Variants in STAM observed in about 807,000 individuals in gnomAD.
The protein encoded by STAM is signal transducing adaptor molecule, also known as signal transducing adapter molecule 1.
In STAM, 16 loss-of-function variants were observed where a neutral mutation model predicts 63.4. The ratio of observed to expected loss-of-function variants is 0.25; its 90% confidence interval spans 0.17 to 0.38. The LOEUF is 0.38. Ranked by LOEUF, STAM falls within the 10% of genes least tolerant of loss-of-function variation. The probability of loss-of-function intolerance (pLI) is 1.00; values close to 1 mark genes in which losing one functional copy is unlikely to be tolerated. For missense variants in STAM, 636 were observed against 657.1 expected, an observed-to-expected ratio of 0.97 and a Z score of 0.35; for synonymous variants, 238 against 223.9, an observed-to-expected ratio of 1.06 and a Z score of -0.56.
intron 6 of STAM, among the ~76,000 whole-genome samples, chr10:17,693,598 C>T (rs1344871234): frequency 2.6e-5 from 4 of 152,136 alleles, no homozygotes; most frequent in African/African-American, 9.7e-5. Flanking sequence ...CGGGAAATGC[C>T]ATTTGCCACT....
chr10:17,669,748 A>G (rs1459314930), intron 2 of STAM, among the ~76,000 whole-genome samples: 1 of 146,566 alleles, frequency 6.8e-6, no homozygotes, highest in Admixed American at 6.9e-5. Context: ...CCCAGGCTGT[A>G]GTGCAGTGGC....
At chr10:17,705,111 A>T in intron 11 of STAM, 87 bp downstream of exon 11, 1 of 1,083,582 alleles carries the variant, frequency 9.2e-7, no homozygotes. Context: ...CTGCCTTTTA[A>T]AAAAAAAATA....
chr10:17,690,743 A>G (rs1230646982), intron 5 of STAM, among the ~76,000 whole-genome samples: 1 of 152,204 alleles, frequency 6.6e-6, no homozygotes, highest in Non-Finnish European at 1.5e-5. Flanking sequence ...AAAATAATGT[A>G]AAAATATTAA....
chr10:17,691,538 C>A (rs1411493436), intron 5 of STAM, among the ~76,000 whole-genome samples: 3 of 151,696 alleles, frequency 2.0e-5, no homozygotes, highest in African/African-American at 7.3e-5. Flanking sequence ...AAATAAATGC[C>A]TGTGCATTTG....
At chr10:17,688,230 A>G (rs1835376249) in intron 5 of STAM, 57 bp downstream of exon 5, 2 of 1,345,204 alleles carry the variant, frequency 1.5e-6, no homozygotes, top group Admixed American at 2.9e-5. Context: ...AAATAGCTAT[A>G]TTTATTTGAA....
intron 4 of STAM, 43 bp from the exon 5 acceptor site, chr10:17,687,984 G>T: frequency 6.7e-7 from 1 of 1,491,098 alleles, no homozygotes; most frequent in Non-Finnish European, 9.0e-7. Context: ...TAAATCATTG[G>T]CTAGGAAATT....
At chr10:17,710,267 T>G (rs1040961500) in intron 13 of STAM, among the ~76,000 whole-genome samples, 2 of 152,178 alleles carry the variant, frequency 1.3e-5, no homozygotes, top group Admixed American at 1.3e-4. Flanking sequence ...GAAATTATCC[T>G]TGTGAATGAG....
At chr10:17,664,294 C>T (rs1554823185) in intron 2 of STAM, among the ~76,000 whole-genome samples, 1 of 151,904 alleles carries the variant, frequency 6.6e-6, no homozygotes, top group African/African-American at 2.4e-5. Flanking sequence ...ATTATATATA[C>T]AATAAAATTA....
In STAM at chr10:17,696,982, C is replaced by T. The variant is rs145702558; in HGVS notation, c.823+113C>T. 2.5e-3 allele frequency: 1,927 copies of T among 757,654 alleles called. 58 individuals are homozygous for T. In the Admixed American group the frequency reaches 0.041, roughly 16 times the overall value. 46.9% of individuals were successfully genotyped at this position (757,654 alleles called of 1,614,324 possible). A position where few individuals can be genotyped will look rare whatever the true frequency, so the allele number is the denominator to read the frequency against. On this transcript the variant is annotated intron_variant, in intron 8 of 13. Coordinates refer to ENST00000377524, the MANE Select transcript of STAM (RefSeq NM_003473.4). Reference sequence around the variant, plus strand: ...TTGCCCAGGCTGGAGTGCAGTGGTGCGAGCTCGGATCATTGCAACCTCCGC... The same window carrying T: ...TTGCCCAGGCTGGAGTGCAGTGGTGTGAGCTCGGATCATTGCAACCTCCGC...
At position 17,715,040 on chromosome 10, in the gene STAM, A is replaced by G. The variant is rs138633924; in HGVS notation, c.*260A>G. 3 of 457,098 alleles carry G rather than the reference A, an allele frequency of 6.6e-6. No individual in the cohort carries two copies. The highest frequency in any genetic ancestry group is 2.4e-5 in the South Asian group (1 of 42,476). The allele number at this position is 457,098 out of a possible 1,614,324, so 28.3% of individuals were successfully genotyped here. A position where few individuals can be genotyped will look rare whatever the true frequency, so the allele number is the denominator to read the frequency against. On this transcript the variant is annotated 3_prime_UTR_variant, in exon 14 of 14. Coordinates refer to ENST00000377524, the MANE Select transcript of STAM (RefSeq NM_003473.4). Reference sequence around the variant, plus strand: ...AATATGAAAGAATTGATACAAGGCTATTTGTCTCGTAAACCTGGTCTGCAG... The same window carrying G: ...AATATGAAAGAATTGATACAAGGCTGTTTGTCTCGTAAACCTGGTCTGCAG...
intron 1 of STAM, among the ~76,000 whole-genome samples, chr10:17,654,557 G>A (rs1422098531): frequency 6.6e-6 from 1 of 152,108 alleles, no homozygotes; most frequent in African/African-American, 2.4e-5. Context: ...GTGTTACTAT[G>A]ACTTTTTGTG....
At chr10:17,671,164 C>G (rs1235296174) in intron 2 of STAM, among the ~76,000 whole-genome samples, 1 of 152,130 alleles carries the variant, frequency 6.6e-6, no homozygotes, top group Non-Finnish European at 1.5e-5. Context: ...ATACTAAGAC[C>G]TATAAAAGCT....
chr10:17,644,523 GGGA>G, intron 1 of STAM, 144 bp downstream of exon 1: 1 of 994,888 alleles, frequency 1.0e-6, no homozygotes, highest in Non-Finnish European at 1.5e-6. Context: ...CTTCAGAGCT[GGGA>G]GGAGGTTGAG....
intron 12 of STAM, among the ~76,000 whole-genome samples, chr10:17,707,607 A>G (rs1043159972): frequency 6.6e-6 from 1 of 152,024 alleles, no homozygotes; most frequent in Non-Finnish European, 1.5e-5. Flanking sequence ...CACCAGTTTG[A>G]GACAAGGAAG....
chr10:17,700,330 A>G (rs781936659), intron 9 of STAM, 51 bp downstream of exon 9: 2 of 1,414,596 alleles, frequency 1.4e-6, no homozygotes, highest in East Asian at 2.4e-5. Flanking sequence ...TGAAATTTAA[A>G]TGGTTTTGCT....
At chr10:17,700,551 C>G (rs1235916603) in intron 9 of STAM, among the ~76,000 whole-genome samples, 3 of 151,212 alleles carry the variant, frequency 2.0e-5, no homozygotes, top group African/African-American at 7.3e-5. Context: ...TGTTGAATGC[C>G]TAGGTTGTTT....
chr10:17,687,984 G>A, intron 4 of STAM, 43 bp from the exon 5 acceptor site: 1 of 1,491,100 alleles, frequency 6.7e-7, no homozygotes, highest in Non-Finnish European at 9.0e-7. Context: ...TAAATCATTG[G>A]CTAGGAAATT....
rs188117604 is a variant in STAM at position 17,681,496 on chromosome 10, A to G, written c.126-3179A>G. Among the ~76,000 whole-genome samples the G allele has an allele frequency of 7.2e-5, 11 of 152,130 alleles. No homozygotes were observed. The East Asian group carries it at 1.5e-3, about 21-fold the overall frequency. ...GTAGAGACTTGTTTTATGGCTTAAC[A>G]TTGTTTATCATGTGTAATATCCATA... On this transcript the variant is annotated intron_variant, in intron 2 of 13. Coordinates refer to ENST00000377524, the MANE Select transcript of STAM (RefSeq NM_003473.4).
intron 1 of STAM, among the ~76,000 whole-genome samples, chr10:17,648,046 G>A (rs1833586122): frequency 6.6e-6 from 1 of 152,144 alleles, no homozygotes; most frequent in Admixed American, 6.5e-5. Context: ...CTGTCACTGA[G>A]CTCCAATGTC....
Sources: allele counts gnomAD v4.1 joint callset (sites outside exome capture counted in the v4.1 genomes callset), GRCh38; gene constraint gnomAD v4.1.1; transcripts MANE v1.5; gene names NCBI Gene and HGNC (gene_info 2026-07-23, HGNC 2026-07-21).